LDLRAD4: variants seen among roughly 807,000 people sequenced by gnomAD.
LDLRAD4 encodes the protein low density lipoprotein receptor class A domain containing 4.
LDLRAD4 carries 5 observed loss-of-function variants against 17.0 expected under a neutral mutation model. That is an observed-to-expected ratio of 0.29 (90% confidence interval 0.15 to 0.62). The LOEUF (loss-of-function observed/expected upper bound fraction) is 0.62. Ranked by LOEUF, LDLRAD4 falls within the 20% of genes least tolerant of loss-of-function variation. The pLI, the probability that LDLRAD4 is intolerant of heterozygous loss-of-function variation, is 0.84. For synonymous variants in LDLRAD4, 168 were observed against 171.8 expected (o/e 0.98, Z 0.17); for missense variants, 340 against 424.7 (o/e 0.80, Z 1.75).
At chr18:13,328,279 C>T (rs2081643244) in intron 1 of LDLRAD4, among the ~76,000 whole-genome samples, 1 of 152,208 alleles carries the variant, frequency 6.6e-6, no homozygotes, top group Admixed American at 6.5e-5. Context: ...CTCATGCCAC[C>T]ATTTTTTAAA....
intron 3 of LDLRAD4, among the ~76,000 whole-genome samples, chr18:13,564,600 A>C (rs1434221066): frequency 3.2e-4 from 48 of 151,438 alleles, no homozygotes; most frequent in Non-Finnish European, 6.0e-4. Flanking sequence ...AAAAAAAAAA[A>C]AAAAAACTCA....
Position 13,486,483 on chromosome 18 carries a change from G to A in LDLRAD4, c.181+48099G>A, listed in dbSNP as rs573843845. On this transcript the variant is annotated intron_variant, in intron 3 of 5. Coordinates refer to ENST00000359446, the Ensembl canonical transcript of LDLRAD4. The stretch of plus-strand genomic sequence containing the variant: ...TCAGAAGGGAATCTGGTGATATGTA[G>A]CAGAAGCCACCAGGGCCTGCTCCAC... The A allele has an allele frequency of 4.6e-5, 7 of 152,392 alleles. No individual in the cohort carries two copies. In the East Asian group the frequency reaches 9.6e-4, roughly 21 times the overall value. 9.4% of individuals were successfully genotyped at this position (152,392 alleles called of 1,614,324 possible). A position where few individuals can be genotyped will look rare whatever the true frequency, so the allele number is the denominator to read the frequency against.
chr18:13,620,189 C>T (rs570175435), intron 3 of LDLRAD4, among the ~76,000 whole-genome samples: 9 of 152,300 alleles, frequency 5.9e-5, no homozygotes, highest in African/African-American at 1.2e-4. Context: ...CCCCACTGGC[C>T]GGGGCCTGAG....
chr18:13,253,140 G>C (rs768425143), intron 1 of LDLRAD4, among the ~76,000 whole-genome samples: 1 of 152,028 alleles, frequency 6.6e-6, no homozygotes, highest in East Asian at 1.9e-4. Flanking sequence ...CGAGGAGCCT[G>C]GTGGTGGTGG....
intron 3 of LDLRAD4, among the ~76,000 whole-genome samples, chr18:13,512,523 T>C (rs962354443): frequency 7.2e-5 from 11 of 152,240 alleles, no homozygotes; most frequent in Non-Finnish European, 1.5e-4. Flanking sequence ...CTAATAGTTT[T>C]GCTGCTCTTG....
At chr18:13,222,539 C>T (rs953636763) in intron 1 of LDLRAD4, among the ~76,000 whole-genome samples, 2 of 152,226 alleles carry the variant, frequency 1.3e-5, no homozygotes, top group African/African-American at 2.4e-5. Flanking sequence ...GTCTGCAACA[C>T]GCTTGCACTG....
rs187029771 is a variant in LDLRAD4, at chr18:13,235,663, A to G, written c.-467+16675A>G. ...CCTATTGATGGCTTTTAGCCTGTGT[A>G]ATAGACCACTAGCCATGTTGCATAT... On this transcript the variant is annotated intron_variant, in intron 1 of 5. Coordinates refer to the LDLRAD4 transcript ENST00000399848. 3.6e-3 allele frequency among the ~76,000 whole-genome samples: 553 copies of G among 152,368 alleles called. 1 individual carries two copies. Among genetic ancestry groups the G allele is most frequent in the African/African-American group, 0.013 (528 of 41,596 alleles).
intron 1 of LDLRAD4, chr18:13,279,599 A>T (rs1017866569): frequency 6.6e-6 from 1 of 152,284 alleles, no homozygotes; most frequent in Non-Finnish European, 1.5e-5. Context: ...TGCAAATGAC[A>T]TAAGTATCTG....
intron 3 of LDLRAD4, among the ~76,000 whole-genome samples, chr18:13,591,298 A>G (rs1435906149): frequency 2.0e-5 from 3 of 152,214 alleles, no homozygotes; most frequent in Admixed American, 6.5e-5. Flanking sequence ...TGAGTTTCAT[A>G]TTTAATATCA....
At chr18:13,242,322 A>G (rs781064599) in intron 1 of LDLRAD4, among the ~76,000 whole-genome samples, 1 of 152,176 alleles carries the variant, frequency 6.6e-6, no homozygotes, top group Non-Finnish European at 1.5e-5. Context: ...AAAGGTTAAG[A>G]TTTTAGGAAG....
intron 2 of LDLRAD4, among the ~76,000 whole-genome samples, chr18:13,427,822 T>C (rs1329918359): frequency 9.9e-5 from 15 of 152,216 alleles, no homozygotes; most frequent in Admixed American, 4.6e-4. Context: ...AATATATTAT[T>C]TCCTTCTTTT....
chr18:13,476,907 T>TAA (rs1402437228), intron 3 of LDLRAD4, among the ~76,000 whole-genome samples: 1 of 152,228 alleles, frequency 6.6e-6, no homozygotes, highest in East Asian at 1.9e-4. Flanking sequence ...GTGACATGGA[T>TAA]AATATTTAAA....
intron 4 of LDLRAD4, among the ~76,000 whole-genome samples, chr18:13,625,220 G>C (rs1014245684): frequency 6.6e-6 from 1 of 152,176 alleles, no homozygotes; most frequent in Non-Finnish European, 1.5e-5. Flanking sequence ...ATTTAAACCT[G>C]GTGTGAGAAG....
intron 4 of LDLRAD4, among the ~76,000 whole-genome samples, chr18:13,643,066 G>T (rs2042738825): frequency 6.6e-6 from 1 of 151,906 alleles, no homozygotes; most frequent in Admixed American, 6.5e-5. Context: ...CTCCCGAGTA[G>T]CTGGGATTAC....
chr18:13,448,902 T>C (rs1403239180), intron 3 of LDLRAD4, among the ~76,000 whole-genome samples: 3 of 152,248 alleles, frequency 2.0e-5, no homozygotes, highest in African/African-American at 7.2e-5. Flanking sequence ...GCTGGACTTC[T>C]GGATTCATCC....
intron 3 of LDLRAD4, among the ~76,000 whole-genome samples, chr18:13,499,478 CCGCCGTGGATACTGGAGAATCCTTCT>C (rs1568261069): frequency 4.8e-5 from 7 of 146,860 alleles, no homozygotes; most frequent in Non-Finnish European, 3.0e-5. Flanking sequence ...CACACACGTC[CCGCCGTGGATACTGGAGAATCCTTCT>C]TGCCACACAC....
At chr18:13,636,207 C>T (rs1356117758) in intron 4 of LDLRAD4, among the ~76,000 whole-genome samples, 1 of 152,070 alleles carries the variant, frequency 6.6e-6, no homozygotes, top group Non-Finnish European at 1.5e-5. Flanking sequence ...GTTCTAGGAC[C>T]TCCAAATAAC....
chr18:13,506,223 T>C (rs28494970), intron 3 of LDLRAD4, among the ~76,000 whole-genome samples: 2 of 26,854 alleles, frequency 7.4e-5, no homozygotes, highest in Non-Finnish European at 3.0e-4. Flanking sequence ...TTCCTCTTTT[T>C]TTTTTTTATT....
rs1053228852 is a variant in LDLRAD4 at position 13,404,776 on chromosome 18, C to T, written c.40+17014C>T. 1.1e-4 allele frequency among the ~76,000 whole-genome samples: 17 copies of T among 149,238 alleles called. No individual in the cohort carries two copies. The Admixed American group carries it at 1.1e-3, about 10-fold the overall frequency. ...TCGTGCCACTGCTCTCCAGCCTGGG[C>T]GACTGAGCGAAACTCCGTCTCAAAA... On this transcript the variant is annotated intron_variant, in intron 2 of 5. Transcript: ENST00000359446.
Sources: gnomAD v4.1 joint callset for allele counts (sites outside exome capture counted in the v4.1 genomes callset) on GRCh38, gnomAD v4.1.1 for gene constraint, MANE v1.5 for transcripts, NCBI Gene and HGNC (gene_info 2026-07-23, HGNC 2026-07-21) for gene names.